Variants in PDE3B observed in about 807,000 individuals in gnomAD.
PDE3B encodes phosphodiesterase 3B.
Under a neutral mutation model 116.8 loss-of-function variants are expected in PDE3B, and 66 were observed. That is an observed-to-expected ratio of 0.56 (90% confidence interval 0.46 to 0.69). The LOEUF is 0.69. Among genes scored for constraint, PDE3B ranks in the 30% least tolerant of loss-of-function variants. The probability of loss-of-function intolerance (pLI) is 0.00; values close to 1 mark genes in which losing one functional copy is unlikely to be tolerated. For missense variants in PDE3B, 1,384 were observed against 1,368.1 expected (o/e 1.01, Z -0.18); for synonymous variants, 595 against 533.6 (o/e 1.12, Z -1.59).
chr11:14,896,400 T>C, the PDE3B span, among the ~76,000 whole-genome samples: 1 of 152,200 alleles, frequency 6.6e-6, no homozygotes, highest in East Asian at 1.9e-4. Context: ...GCTGGGAATA[T>C]AATGGTGAGC....
intron 2 of PDE3B, among the ~76,000 whole-genome samples, chr11:14,778,023 G>C (rs1590135540): frequency 6.6e-6 from 1 of 152,184 alleles, no homozygotes; most frequent in Admixed American, 6.5e-5. Flanking sequence ...ATTATGTCCT[G>C]TGCCTGGCTC....
At chr11:14,685,285 C>T in intron 1 of PDE3B, among the ~76,000 whole-genome samples, 1 of 152,032 alleles carries the variant, frequency 6.6e-6, no homozygotes. Context: ...TCCCTGACTT[C>T]CCGCAACATG....
intron 5 of PDE3B, among the ~76,000 whole-genome samples, chr11:14,811,762 C>T (rs895791650): frequency 7.2e-5 from 11 of 152,134 alleles, no homozygotes; most frequent in African/African-American, 2.6e-4. Flanking sequence ...ATTGATTCTT[C>T]CTACCCATGA....
intron 1 of PDE3B, among the ~76,000 whole-genome samples, chr11:14,737,803 G>A (rs1327762364): frequency 2.5e-5 from 3 of 118,652 alleles, no homozygotes; most frequent in African/African-American, 1.0e-4. Flanking sequence ...AGAGTGTGAT[G>A]TTCCCCTTCC....
chr11:14,667,637 A>G (rs1037226698), intron 1 of PDE3B, among the ~76,000 whole-genome samples: 1 of 149,410 alleles, frequency 6.7e-6, no homozygotes, highest in Non-Finnish European at 1.5e-5. Flanking sequence ...GAATTGAACA[A>G]TGAGAACACA....
chr11:14,726,213 C>T (rs1340958969), intron 1 of PDE3B, among the ~76,000 whole-genome samples: 1 of 152,192 alleles, frequency 6.6e-6, no homozygotes, highest in Admixed American at 6.5e-5. Context: ...TTCTTTGACA[C>T]CTGCCTATCA....
chr11:14,887,972 G>T, the PDE3B span, among the ~76,000 whole-genome samples: 1 of 152,132 alleles, frequency 6.6e-6, no homozygotes, highest in Non-Finnish European at 1.5e-5. Context: ...AATTCTCAAC[G>T]TGGCATTCTC....
At chr11:14,821,668 A>T (rs1002568054) in intron 7 of PDE3B, among the ~76,000 whole-genome samples, 3 of 152,202 alleles carry the variant, frequency 2.0e-5, no homozygotes, top group Non-Finnish European at 4.4e-5. Context: ...GGAAAAAATA[A>T]TATTTTCTAA....
chr11:14,842,342 A>G (rs933106292), intron 11 of PDE3B, among the ~76,000 whole-genome samples: 3 of 152,210 alleles, frequency 2.0e-5, no homozygotes, highest in African/African-American at 4.8e-5. Context: ...CTAATGTTTT[A>G]AGATCCTAAT....
At chr11:14,722,413 T>A (rs540402101) in intron 1 of PDE3B, among the ~76,000 whole-genome samples, 1 of 151,936 alleles carries the variant, frequency 6.6e-6, no homozygotes, top group East Asian at 1.9e-4. Context: ...ATAAATCCAA[T>A]AAAAAAATAA....
At chr11:14,779,648 T>C (rs1857911537) in intron 2 of PDE3B, among the ~76,000 whole-genome samples, 2 of 152,144 alleles carry the variant, frequency 1.3e-5, no homozygotes, top group Non-Finnish European at 2.9e-5. Flanking sequence ...AGGCCTGCCT[T>C]ACAAGAGCTC....
At chr11:14,658,336 A>G (rs975832589) in intron 1 of PDE3B, among the ~76,000 whole-genome samples, 10 of 152,084 alleles carry the variant, frequency 6.6e-5, no homozygotes, top group African/African-American at 2.4e-4. Flanking sequence ...TAGACAACAT[A>G]TATTTTAATT....
At chr11:14,891,971 G>C in the PDE3B span, 1 of 1,612,104 alleles carries the variant, frequency 6.2e-7, no homozygotes. Context: ...GGGGCCCGTC[G>C]GGGCTGTACC....
At chr11:14,813,766 T>G (rs1859228030) in intron 5 of PDE3B, among the ~76,000 whole-genome samples, 1 of 152,180 alleles carries the variant, frequency 6.6e-6, no homozygotes, top group Non-Finnish European at 1.5e-5. Flanking sequence ...CACCAGTTTT[T>G]TATGAGGCCA....
At chr11:14,715,424 C>G (rs1855847031) in intron 1 of PDE3B, among the ~76,000 whole-genome samples, 2 of 152,162 alleles carry the variant, frequency 1.3e-5, no homozygotes. Flanking sequence ...TTTGTATCCT[C>G]TTTTATTTCC....
chr11:14,752,982 T>A (rs977156532), intron 1 of PDE3B, among the ~76,000 whole-genome samples: 1 of 152,160 alleles, frequency 6.6e-6, no homozygotes, highest in Non-Finnish European at 1.5e-5. Flanking sequence ...ATAGCTAAAC[T>A]GATAAACTAC....
the PDE3B span, among the ~76,000 whole-genome samples, chr11:14,897,870 AG>A: frequency 6.6e-6 from 1 of 152,120 alleles, no homozygotes; most frequent in Non-Finnish European, 1.5e-5. Context: ...TCTACCTGTG[AG>A]CCCCTCCAGT....
At chr11:14,663,199 A>G (rs1022533542) in intron 1 of PDE3B, among the ~76,000 whole-genome samples, 6 of 152,170 alleles carry the variant, frequency 3.9e-5, no homozygotes, top group African/African-American at 1.4e-4. Context: ...TTTCATATCC[A>G]TCCAAACTAA....
At chr11:14,855,865 G>T (rs1847839360) in intron 12 of PDE3B, among the ~76,000 whole-genome samples, 1 of 152,184 alleles carries the variant, frequency 6.6e-6, no homozygotes, top group African/African-American at 2.4e-5. Context: ...TCTCAGATAT[G>T]CAGTGATTTT....
Sources: gnomAD v4.1 joint callset for allele counts (sites outside exome capture counted in the v4.1 genomes callset) on GRCh38, gnomAD v4.1.1 for gene constraint, MANE v1.5 for transcripts, NCBI Gene and HGNC (gene_info 2026-07-23, HGNC 2026-07-21) for gene names.